The following ITGA11 variants were observed in gnomAD, a reference collection of about 807,000 sequenced individuals.
ITGA11 encodes integrin subunit alpha 11.
In ITGA11, 97 loss-of-function variants were observed where a neutral mutation model predicts 141.9. That is an observed-to-expected ratio of 0.68 (90% CI 0.58 to 0.81). ITGA11 has a LOEUF of 0.81. ITGA11 is among the 30% of genes least tolerant of loss of function. The pLI, the probability that ITGA11 is intolerant of heterozygous loss-of-function variation, is 0.00. For synonymous variants in ITGA11, 658 were observed against 624.6 expected (o/e 1.05, Z -0.80); for missense variants, 1,387 against 1,559.2 (o/e 0.89, Z 1.86).
chr15:68,409,086 G>T (rs1896709952), intron 1 of ITGA11, among the ~76,000 whole-genome samples: 1 of 152,170 alleles, frequency 6.6e-6, no homozygotes, highest in Non-Finnish European at 1.5e-5. Flanking sequence ...AAGATGCCCT[G>T]GTTCCTTGAG....
chr15:68,298,969 G>A lies in ITGA11; in HGVS notation c.*4090C>T, dbSNP rs1042967525. ...GAGGTGGGATTGCTTGAGCCCGGGA[G>A]GCAGAGGCTGCCGTGAGCTGTGATG... On this transcript the variant is annotated 3_prime_UTR_variant, in exon 30 of 30. Coordinates refer to ENST00000315757, the MANE Select transcript of ITGA11 (RefSeq NM_001004439.2). 1 of 152,044 alleles carries A rather than the reference G, an allele frequency of 6.6e-6. No individual in the cohort carries two copies. The highest frequency in any genetic ancestry group is 2.4e-5 in the African/African-American group (1 of 41,352). The allele number at this position is 152,044 out of a possible 1,614,324, so 9.4% of individuals were successfully genotyped here.
At chr15:68,385,880 C>A (rs927070549) in intron 2 of ITGA11, among the ~76,000 whole-genome samples, 5 of 152,114 alleles carry the variant, frequency 3.3e-5, no homozygotes, top group African/African-American at 4.8e-5. Context: ...ATTTCTCAGA[C>A]CCCTCCCAGG....
intron 2 of ITGA11, among the ~76,000 whole-genome samples, chr15:68,397,553 AATATT>A (rs1896336881): frequency 2.1e-4 from 5 of 23,676 alleles, no homozygotes; most frequent in Non-Finnish European, 3.4e-4. Flanking sequence ...TTATATTTAA[AATATT>A]ATAAAATATT....
At chr15:68,385,490 A>C (rs2140382848) in intron 2 of ITGA11, among the ~76,000 whole-genome samples, 1 of 152,358 alleles carries the variant, frequency 6.6e-6, no homozygotes, top group Non-Finnish European at 1.5e-5. Flanking sequence ...ATTCCACCAT[A>C]GTTGGCCTCT....
chr15:68,369,138 A>G (rs1382753198), intron 3 of ITGA11, 46 bp downstream of exon 3: 2 of 1,395,314 alleles, frequency 1.4e-6, no homozygotes, highest in Non-Finnish European at 1.0e-6. Flanking sequence ...GCCTTGTGTT[A>G]GACAACCGCT....
At chr15:68,401,991 A>G (rs2140411807) in intron 2 of ITGA11, among the ~76,000 whole-genome samples, 1 of 147,530 alleles carries the variant, frequency 6.8e-6, no homozygotes, top group East Asian at 2.1e-4. Context: ...CTGGGGAAAC[A>G]GCAATGCTGC....
At chr15:68,306,469 G>T (rs999964169) in intron 28 of ITGA11, among the ~76,000 whole-genome samples, 3 of 152,124 alleles carry the variant, frequency 2.0e-5, no homozygotes, top group Non-Finnish European at 2.9e-5. Flanking sequence ...CCCTCGCTCG[G>T]AATCGCTCCC....
intron 1 of ITGA11, among the ~76,000 whole-genome samples, chr15:68,408,203 A>G (rs1281835633): frequency 1.3e-5 from 2 of 151,948 alleles, no homozygotes; most frequent in East Asian, 3.9e-4. Context: ...TGAGCTTCCC[A>G]TCACCTTTAA....
rs551230700 is a variant in ITGA11, at chr15:68,401,615, T to G, written c.164+1303A>C. 2.6e-5 allele frequency among the ~76,000 whole-genome samples: 4 copies of G among 152,248 alleles called. No individual in the cohort carries two copies. The East Asian group carries it at 7.7e-4, about 29-fold the overall frequency. The stretch of plus-strand genomic sequence containing the variant: ...GAGGTCAGATACAAATGAGCACCTA[T>G]TGCATGATTTCTCCTCTATGAAGTT... On this transcript the variant is annotated intron_variant, in intron 2 of 29. Transcript: ENST00000315757.
rs1287743426 is a variant in ITGA11, at chr15:68,333,218, G to A, written c.1426-740C>T. Among the ~76,000 whole-genome samples the A allele has an allele frequency of 1.3e-5, 2 of 151,716 alleles. No individual in the cohort carries two copies. Among genetic ancestry groups the A allele is most frequent in the African/African-American group, 4.8e-5 (2 of 41,288 alleles). On this transcript the variant is annotated intron_variant, in intron 12 of 29. Transcript: ENST00000315757. The surrounding 1 kb of genome is among the most constrained non-coding windows in gnomAD (Gnocchi z 4.2). ...GGGTTCAAGTGATCCTCCCATCTCAGCCTCCTGAGTAGCTGGGACCACAGG... is the reference window on the plus strand; with the variant it reads ...GGGTTCAAGTGATCCTCCCATCTCAACCTCCTGAGTAGCTGGGACCACAGG...
At chr15:68,426,812 C>A (rs183449907) in intron 1 of ITGA11, among the ~76,000 whole-genome samples, 382 of 151,962 alleles carry the variant, frequency 2.5e-3, no homozygotes, top group Non-Finnish European at 3.8e-3. Context: ...GTTGGGAGTT[C>A]AAGACCAGCC....
intron 10 of ITGA11, 34 bp from the exon 11 acceptor site, chr15:68,339,678 G>T: frequency 6.2e-7 from 1 of 1,610,266 alleles, no homozygotes; most frequent in Non-Finnish European, 8.5e-7. Flanking sequence ...ATCAGCACCT[G>T]TCCTCATGGG....
chr15:68,308,145 G>A lies in ITGA11; in HGVS notation c.3175-449C>T, dbSNP rs919953713. Among the ~76,000 whole-genome samples the A allele has an allele frequency of 1.4e-4, 22 of 152,166 alleles. No individual in the cohort carries two copies. Among genetic ancestry groups the A allele is most frequent in the African/African-American group, 5.3e-4 (22 of 41,424 alleles). ...TCTTCATAAAGTTCATGGAAAATGT[G>A]TATTATGGAAAAATTATGCATGGAT... On this transcript the variant is annotated intron_variant, in intron 26 of 29. Coordinates refer to ENST00000315757, the MANE Select transcript of ITGA11 (RefSeq NM_001004439.2). The surrounding 1 kb of genome is among the most constrained non-coding windows in gnomAD (Gnocchi z 5.2).
chr15:68,422,766 C>T (rs1288259871), intron 1 of ITGA11, among the ~76,000 whole-genome samples: 1 of 152,192 alleles, frequency 6.6e-6, no homozygotes, highest in African/African-American at 2.4e-5. Flanking sequence ...GAACTCTCTC[C>T]CTAACCCTCT....
chr15:68,355,696 C>A (rs1895051180), intron 7 of ITGA11, among the ~76,000 whole-genome samples: 1 of 152,122 alleles, frequency 6.6e-6, no homozygotes, highest in Non-Finnish European at 1.5e-5. Flanking sequence ...ATCCTCCCAC[C>A]TCAGCCTCCC....
intron 3 of ITGA11, chr15:68,365,226 C>G (rs988230725): frequency 2.0e-6 from 2 of 985,400 alleles, no homozygotes; most frequent in Non-Finnish European, 2.4e-6. Context: ...CAGTCCTGTG[C>G]CCAACTCTTT....
chr15:68,423,353 G>T (rs1897064209), intron 1 of ITGA11, among the ~76,000 whole-genome samples: 1 of 152,126 alleles, frequency 6.6e-6, no homozygotes, highest in South Asian at 2.1e-4. Context: ...GGCAAGCAGA[G>T]ACCTGAAGAA....
chr15:68,371,197 C>G (rs1895578183), intron 2 of ITGA11, among the ~76,000 whole-genome samples: 1 of 152,108 alleles, frequency 6.6e-6, no homozygotes. Flanking sequence ...CTGCTCCATT[C>G]TTGAGAGAGA....
At chr15:68,375,139 G>A (rs953186623) in intron 2 of ITGA11, among the ~76,000 whole-genome samples, 5 of 152,162 alleles carry the variant, frequency 3.3e-5, no homozygotes, top group African/African-American at 1.2e-4. Context: ...CCCCACAGGA[G>A]CCTCTCACCT....
Sources: gnomAD v4.1 joint callset for allele counts (sites outside exome capture counted in the v4.1 genomes callset) on GRCh38, gnomAD v4.1.1 for gene constraint, Gnocchi (gnomAD v3.1) non-coding constraint, MANE v1.5 for transcripts, NCBI Gene and HGNC (gene_info 2026-07-23, HGNC 2026-07-21) for gene names.